The following NCOR2 variants were observed in gnomAD, a reference collection of about 807,000 sequenced individuals.
The protein encoded by NCOR2 is CTG repeat protein 26.
A neutral mutation model predicts 262.9 loss-of-function variants in NCOR2; 81 were observed. That is an observed-to-expected ratio of 0.31 (90% confidence interval 0.26 to 0.37). NCOR2 has a LOEUF of 0.37. NCOR2 is among the 10% of genes least tolerant of loss of function. The pLI is 1.00. For missense variants in NCOR2, 3,385 were observed against 3,621.4 expected (o/e 0.93, Z 1.68); for synonymous variants, 1,659 against 1,559.3 (o/e 1.06, Z -1.51).
intron 30 of NCOR2, chr12:124,347,503 A>T: frequency 3.0e-6 from 1 of 333,742 alleles, no homozygotes; most frequent in Non-Finnish European, 5.5e-6. Flanking sequence ...AGCCTCTCCC[A>T]ATCGCATGTG....
intron 43 of NCOR2, chr12:124,332,066 A>T (rs933165933): frequency 2.4e-5 from 12 of 499,140 alleles, no homozygotes; most frequent in African/African-American, 2.3e-4. Context: ...GCAGGTATTC[A>T]CTGGGCACCT....
At chr12:124,360,191 C>T (rs370484914) in intron 22 of NCOR2, among the ~76,000 whole-genome samples, 10 of 152,206 alleles carry the variant, frequency 6.6e-5, no homozygotes, top group African/African-American at 1.9e-4. Context: ...AGCTCCTTCC[C>T]GGGCTGGCGC....
At position 124,356,704 on chromosome 12, in the gene NCOR2, C is replaced by T. The variant is rs199595579; in HGVS notation, c.3179G>A (p.Arg1060His). The T allele has an allele frequency of 5.0e-5, 75 of 1,490,020 alleles. No individual in the cohort carries two copies. The Middle Eastern group carries it at 7.0e-4, about 14-fold the overall frequency. 92.3% of individuals were successfully genotyped at this position (1,490,020 alleles called of 1,614,324 possible). Residue 1060 changes from arginine to histidine, a missense_variant, in exon 23 of 47, where the codon CGT (arginine) becomes CAT (histidine). This residue lies in a region of NCOR2 where 1,615 missense variants were observed against 1,626.9 expected (regional missense o/e 0.99). Coordinates refer to ENST00000405201, the Ensembl canonical transcript of NCOR2. ...ATGCGGGGAGGCCTTGATCACCTCA[C>T]GGGGGGGCACGGGGAAGGGCAGGCC... is the stretch of plus-strand genomic sequence containing the variant.
At chr12:124,554,575 G>A (rs551192803) in intron 1 of NCOR2, among the ~76,000 whole-genome samples, 5 of 152,226 alleles carry the variant, frequency 3.3e-5, no homozygotes, top group Admixed American at 1.3e-4. Flanking sequence ...TTACAGCACC[G>A]CGAGCACAGA....
At chr12:124,325,386 C>CTCT in exon 47 of NCOR2, 1 of 589,828 alleles carries the variant, frequency 1.7e-6, no homozygotes, top group Non-Finnish European at 2.4e-6. Context: ...CGCCCCCCCC[C>CTCT]CCGCCCTGTT....
chr12:124,395,662 G>A (rs968868857), intron 16 of NCOR2, among the ~76,000 whole-genome samples: 6 of 152,178 alleles, frequency 3.9e-5, no homozygotes, highest in South Asian at 2.1e-4. Flanking sequence ...CAGAGGGCAG[G>A]CACTGTCTTC....
At chr12:124,550,460 A>G (rs1163771536) in intron 1 of NCOR2, among the ~76,000 whole-genome samples, 2 of 152,044 alleles carry the variant, frequency 1.3e-5, no homozygotes, top group Non-Finnish European at 2.9e-5. Context: ...CACAATCTGT[A>G]TATCTCATAG....
At chr12:124,342,925 G>A (rs558915760) in intron 33 of NCOR2, 80 bp downstream of exon 35, 6 of 1,468,586 alleles carry the variant, frequency 4.1e-6, no homozygotes, top group Non-Finnish European at 5.5e-6. Context: ...GATGCCTAAG[G>A]AGTCCCTGAG....
chr12:124,343,971 G>A (rs1161547009), intron 32 of NCOR2, among the ~76,000 whole-genome samples: 1 of 152,198 alleles, frequency 6.6e-6, no homozygotes, highest in Middle Eastern at 3.2e-3. Context: ...ATGAACTGGA[G>A]ATAGGGGGTC....
In NCOR2 at chr12:124,483,692, G is replaced by A. The variant is rs367698604; in HGVS notation, c.315C>T (p.Ser105=). 120 of 1,612,068 alleles carry A rather than the reference G, an allele frequency of 7.4e-5. No individual in the cohort carries two copies. The African/African-American group carries it at 1.5e-3, about 20-fold the overall frequency. ...GCAGCAGCTCTAGCCGAGGGCGCTT[G>A]CTTTCAATGAACTCCATCTCTGACT... The change falls in exon 3 of 47, where the codon AGC becomes AGT. Residue 105 remains serine, a synonymous_variant. Coordinates refer to ENST00000405201, the Ensembl canonical transcript of NCOR2. The surrounding 1 kb of genome is among the most constrained non-coding windows in gnomAD (Gnocchi z 6.3).
At chr12:124,384,371 C>T (rs912356108) in intron 17 of NCOR2, among the ~76,000 whole-genome samples, 1 of 152,212 alleles carries the variant, frequency 6.6e-6, no homozygotes, top group African/African-American at 2.4e-5. Flanking sequence ...AAGGAAAAGG[C>T]GCTGCCTGAA....
At chr12:124,336,814 C>G in exon 38 of NCOR2, 1 of 1,613,190 alleles carries the variant, frequency 6.2e-7, no homozygotes, top group Non-Finnish European at 8.5e-7. Context: ...TTTCCCGGTG[C>G]GGGTCCGAGG....
chr12:124,457,626 C>T lies in NCOR2; in HGVS notation c.706-464G>A, dbSNP rs1182196302. On this transcript the variant is annotated intron_variant, in intron 5 of 46. Transcript: ENST00000405201. The surrounding 1 kb of genome is among the most constrained non-coding windows in gnomAD (Gnocchi z 4.0). ...AGGAGGAGGGAGGGTGAGATAGAGG[C>T]GCTCGGAGATACCCTTTCTAGGATT... Among the ~76,000 whole-genome samples, 1 of 152,170 alleles carries T rather than the reference C, an allele frequency of 6.6e-6. No homozygotes were observed.
chr12:124,341,718 C>A (rs2036476819), intron 34 of NCOR2, 105 bp downstream of exon 36: 2 of 1,497,172 alleles, frequency 1.3e-6, no homozygotes, highest in East Asian at 4.6e-5. Flanking sequence ...CAAGGTGACC[C>A]ACAAGGTGAC....
intron 1 of NCOR2, among the ~76,000 whole-genome samples, chr12:124,500,605 G>A (rs1000428930): frequency 2.6e-5 from 4 of 152,184 alleles, no homozygotes; most frequent in Non-Finnish European, 5.9e-5. Flanking sequence ...TGCCAGCAAC[G>A]CAGTGATGCC....
In NCOR2 at chr12:124,333,363, C is replaced by T. The variant is rs1262871696; in HGVS notation, c.6606-84G>A. 5 of 1,290,050 alleles carry T rather than the reference C, an allele frequency of 3.9e-6. No homozygotes were observed. The Admixed American group carries it at 1.4e-4, about 36-fold the overall frequency. 79.9% of individuals were successfully genotyped at this position (1,290,050 alleles called of 1,614,324 possible). A position where few individuals can be genotyped will look rare whatever the true frequency, so the allele number is the denominator to read the frequency against. On this transcript the variant is annotated intron_variant, in intron 41 of 46. Coordinates refer to ENST00000405201, the Ensembl canonical transcript of NCOR2. ...CTCCCTCCACTCTAAACCAGGGCCCCACACGCTTTTCCTGTACGTGGCCAA... is the reference window on the plus strand; with the variant it reads ...CTCCCTCCACTCTAAACCAGGGCCCTACACGCTTTTCCTGTACGTGGCCAA...
Position 124,503,719 on chromosome 12 carries a change from A to AATGG in NCOR2, c.-117-8355_-117-8352dup, listed in dbSNP as rs909244677. On this transcript the variant is annotated intron_variant, in intron 1 of 46. Transcript: ENST00000404621. The surrounding 1 kb of genome is among the most constrained non-coding windows in gnomAD (Gnocchi z 4.3). ...GGATGGATGGATGGATGGACAGACG[A>AATGG]ATGGATGGATGGATGGACGGATGGA... 4.7e-5 allele frequency among the ~76,000 whole-genome samples: 6 copies of AATGG among 126,650 alleles called. No homozygotes were observed. The highest frequency in any genetic ancestry group is 5.0e-5 in the Non-Finnish European group (3 of 60,364). The allele number at this position is 126,650 out of a possible 152,430, so 83.1% of individuals were successfully genotyped here. A position where few individuals can be genotyped will look rare whatever the true frequency, so the allele number is the denominator to read the frequency against.
Position 124,326,258 on chromosome 12 carries a change from C to T in NCOR2, c.7296G>A (p.Ser2432=), listed in dbSNP as rs187350105. ...GCGTCCGGCGGTTGCAGTCTCCCTC[C>T]GAGTGCACTGAGGAGACAGAGGGTG... is the stretch of plus-strand genomic sequence containing the variant. The change falls in exon 46 of 47, where the codon TCG becomes TCA. Residue 2432 remains serine, a synonymous_variant. Coordinates refer to ENST00000405201, the Ensembl canonical transcript of NCOR2. The T allele has an allele frequency of 7.7e-4, 1,194 of 1,559,662 alleles. 3 individuals are homozygous for T. In the African/African-American group the frequency reaches 0.013, roughly 17 times the overall value.
chr12:124,344,885 G>C (rs1327608180), exon 32 of NCOR2: 1 of 1,582,556 alleles, frequency 6.3e-7, no homozygotes, highest in South Asian at 1.2e-5. Flanking sequence ...CTGCCGATGA[G>C]GGAGCGTACG....
Sources: gnomAD v4.1 joint callset for allele counts (sites outside exome capture counted in the v4.1 genomes callset) on GRCh38, gnomAD v4.1.1 for gene constraint, gnomAD v4.1.1 regional missense constraint, Gnocchi (gnomAD v3.1) non-coding constraint, MANE v1.5 for transcripts, NCBI Gene and HGNC (gene_info 2026-07-23, HGNC 2026-07-21) for gene names.